The following ST6GALNAC3 variants were observed in gnomAD, a reference collection of about 807,000 sequenced individuals.
The protein encoded by ST6GALNAC3 is ST6 N-acetylgalactosaminide alpha-2,6-sialyltransferase 3.
Under a neutral mutation model 32.7 loss-of-function variants are expected in ST6GALNAC3, and 25 were observed. That is an observed-to-expected ratio of 0.76 (90% CI 0.56 to 1.07). The LOEUF is 1.07. Among genes scored for constraint, ST6GALNAC3 ranks in the 50% least tolerant of loss-of-function variants. The pLI is 0.00. For synonymous variants in ST6GALNAC3, 129 were observed against 133.1 expected (o/e 0.97, Z 0.21); for missense variants, 355 against 382.4 (o/e 0.93, Z 0.60).
At position 76,502,453 on chromosome 1, in the gene ST6GALNAC3, C is replaced by T. The variant is rs551193986; in HGVS notation, c.623+90036C>T. ...TAGAAGTCCAAAATCTGGATGTCAG[C>T]AGAGTTGGTTCTTTCTGAGGGCTGT... On this transcript the variant is annotated intron_variant, in intron 3 of 4. Coordinates refer to ENST00000328299, the MANE Select transcript of ST6GALNAC3 (RefSeq NM_152996.4). Among the ~76,000 whole-genome samples, 187 of 152,276 alleles carry T rather than the reference C, an allele frequency of 1.2e-3. 2 individuals carry two copies. The highest frequency in any genetic ancestry group is 4.3e-3 in the African/African-American group (178 of 41,568).
chr1:76,256,539 A>C (rs1174440478), intron 1 of ST6GALNAC3, among the ~76,000 whole-genome samples: 1 of 152,102 alleles, frequency 6.6e-6, no homozygotes, highest in Non-Finnish European at 1.5e-5. Context: ...GTATCAACTG[A>C]ATATAAAGTA....
intron 1 of ST6GALNAC3, chr1:76,306,001 T>A: frequency 2.1e-6 from 1 of 487,032 alleles, no homozygotes; most frequent in Non-Finnish European, 4.1e-6. Context: ...GGTTCAGAAA[T>A]TTTAAAAACT....
At chr1:76,404,566 A>G (rs1239476137) in intron 2 of ST6GALNAC3, among the ~76,000 whole-genome samples, 3 of 152,112 alleles carry the variant, frequency 2.0e-5, no homozygotes, top group Non-Finnish European at 4.4e-5. Flanking sequence ...GAATAAAGGC[A>G]AAATCTATTC....
intron 1 of ST6GALNAC3, among the ~76,000 whole-genome samples, chr1:76,238,231 T>C (rs1037336082): frequency 1.3e-5 from 2 of 152,256 alleles, no homozygotes; most frequent in Non-Finnish European, 1.5e-5. Flanking sequence ...CCTTGGATTC[T>C]CTACATATCC....
intron 3 of ST6GALNAC3, among the ~76,000 whole-genome samples, chr1:76,562,572 C>A (rs912258122): frequency 8.5e-5 from 13 of 152,108 alleles, no homozygotes; most frequent in African/African-American, 2.4e-4. Flanking sequence ...TTGAAAACAC[C>A]CAGAGCCAAA....
chr1:76,512,378 G>A (rs1452871787), intron 3 of ST6GALNAC3, among the ~76,000 whole-genome samples: 1 of 151,992 alleles, frequency 6.6e-6, no homozygotes, highest in East Asian at 1.9e-4. Flanking sequence ...CTTGTTAGTA[G>A]ATAAAATTAA....
intron 1 of ST6GALNAC3, among the ~76,000 whole-genome samples, chr1:76,217,516 C>A (rs505796): frequency 0.92 from 139,598 of 152,066 alleles, 64,833 homozygotes; most frequent in East Asian, 1. Flanking sequence ...ACAACTTCTT[C>A]TTATTATTAT....
intron 2 of ST6GALNAC3, among the ~76,000 whole-genome samples, chr1:76,344,941 T>C (rs1475809104): frequency 6.6e-6 from 1 of 152,198 alleles, no homozygotes; most frequent in African/African-American, 2.4e-5. Flanking sequence ...TTGCCCAGCC[T>C]TCCTCTGCAC....
chr1:76,453,970 T>G (rs1284992172), intron 3 of ST6GALNAC3, among the ~76,000 whole-genome samples: 1 of 152,196 alleles, frequency 6.6e-6, no homozygotes, highest in Non-Finnish European at 1.5e-5. Flanking sequence ...CAGTGTCAGA[T>G]GCATATATTC....
intron 3 of ST6GALNAC3, among the ~76,000 whole-genome samples, chr1:76,588,761 T>C (rs1647001679): frequency 6.6e-6 from 1 of 152,216 alleles, no homozygotes; most frequent in Non-Finnish European, 1.5e-5. Context: ...CTGTGTCTTC[T>C]GTGGCTCCAC....
At chr1:76,563,922 A>T (rs1397387274) in intron 3 of ST6GALNAC3, among the ~76,000 whole-genome samples, 1 of 152,136 alleles carries the variant, frequency 6.6e-6, no homozygotes, top group Non-Finnish European at 1.5e-5. Flanking sequence ...ATTAGTTATC[A>T]TTTCCCCCAT....
chr1:76,166,252 T>C (rs1460674770), intron 1 of ST6GALNAC3, among the ~76,000 whole-genome samples: 1 of 152,198 alleles, frequency 6.6e-6, no homozygotes, highest in Non-Finnish European at 1.5e-5. Context: ...AACAACTTAC[T>C]GAATAGGGAA....
intron 1 of ST6GALNAC3, among the ~76,000 whole-genome samples, chr1:76,127,206 T>G (rs1424496562): frequency 1.3e-5 from 2 of 152,160 alleles, no homozygotes; most frequent in African/African-American, 2.4e-5. Flanking sequence ...CAAAGCAGCA[T>G]GGAAAGGCCC....
At position 76,417,869 on chromosome 1, in the gene ST6GALNAC3, T is replaced by A. The variant is rs1654752615; in HGVS notation, c.623+5452T>A. 2.0e-5 allele frequency among the ~76,000 whole-genome samples: 3 copies of A among 152,024 alleles called. No homozygotes were observed. In the South Asian group the frequency reaches 6.2e-4, roughly 31 times the overall value. ...TAATGAAAGCTAGCAGCAAATAGAA[T>A]CAATATTTCAAGATGTTCCTGCCTC... On this transcript the variant is annotated intron_variant, in intron 3 of 4. Coordinates refer to ENST00000328299, the MANE Select transcript of ST6GALNAC3 (RefSeq NM_152996.4).
At chr1:76,255,348 G>A (rs1205107228) in intron 1 of ST6GALNAC3, among the ~76,000 whole-genome samples, 2 of 152,028 alleles carry the variant, frequency 1.3e-5, no homozygotes, top group African/African-American at 2.4e-5. Context: ...TGTAGAAAAA[G>A]CAATGCACAC....
At chr1:76,470,641 TA>T (rs987457892) in intron 3 of ST6GALNAC3, among the ~76,000 whole-genome samples, 119 of 152,138 alleles carry the variant, frequency 7.8e-4, no homozygotes, top group African/African-American at 2.7e-3. Context: ...CCAAATCCAA[TA>T]GGGGGGAAAA....
At chr1:76,626,813 T>A (rs1445729471) in intron 3 of ST6GALNAC3, among the ~76,000 whole-genome samples, 1 of 151,906 alleles carries the variant, frequency 6.6e-6, no homozygotes. Context: ...CGTTGTTGTA[T>A]CCCCAGCCTC....
At chr1:76,372,959 A>G (rs755829824) in intron 2 of ST6GALNAC3, among the ~76,000 whole-genome samples, 7 of 151,722 alleles carry the variant, frequency 4.6e-5, no homozygotes, top group African/African-American at 1.2e-4. Context: ...TTTTAATTTT[A>G]TTTATTTATT....
At chr1:76,089,724 C>T (rs552787305) in intron 1 of ST6GALNAC3, among the ~76,000 whole-genome samples, 7 of 152,134 alleles carry the variant, frequency 4.6e-5, no homozygotes, top group Non-Finnish European at 8.8e-5. Flanking sequence ...TCTTGACATT[C>T]GGTTGACAGT....
Sources: gnomAD v4.1 joint callset for allele counts (sites outside exome capture counted in the v4.1 genomes callset) on GRCh38, gnomAD v4.1.1 for gene constraint, MANE v1.5 for transcripts, NCBI Gene and HGNC (gene_info 2026-07-23, HGNC 2026-07-21) for gene names.